Variants in DDB1 observed in about 807,000 individuals in gnomAD.
The protein encoded by DDB1 is damage specific DNA binding protein 1, also known as DNA damage-binding protein 1.
A neutral mutation model predicts 133.1 loss-of-function variants in DDB1; 18 were observed. That is an observed-to-expected ratio of 0.14 (90% CI 0.09 to 0.20). The LOEUF (loss-of-function observed/expected upper bound fraction) is 0.20, where lower values mean the gene tolerates loss of function less well. Among genes scored for constraint, DDB1 ranks in the 10% least tolerant of loss-of-function variants. The pLI, the probability that DDB1 is intolerant of heterozygous loss-of-function variation, is 1.00. For missense variants in DDB1, 828 were observed against 1,459.2 expected (o/e 0.57, Z 7.05); for synonymous variants, 580 against 550.5 (o/e 1.05, Z -0.75).
chr11:61,311,941 G>A, intron 17 of DDB1, 46 bp from the exon 18 acceptor site: 5 of 1,613,730 alleles, frequency 3.1e-6, no homozygotes, highest in Non-Finnish European at 4.2e-6. Flanking sequence ...AAAGTCAGAA[G>A]CACCCTACAC....
chr11:61,328,163 G>C (rs1590700198), intron 4 of DDB1, among the ~76,000 whole-genome samples: 2 of 152,246 alleles, frequency 1.3e-5, no homozygotes, highest in East Asian at 3.9e-4. Flanking sequence ...AAAGAACATA[G>C]AGAAATTCTA....
chr11:61,322,824 T>C lies in DDB1; in HGVS notation c.1005+187A>G. 8.4e-6 allele frequency: 5 copies of C among 597,636 alleles called. No homozygotes were observed. In the South Asian group the frequency reaches 1.1e-4, roughly 13 times the overall value. The allele number at this position is 597,636 out of a possible 1,614,324, so 37.0% of individuals were successfully genotyped here. A position where few individuals can be genotyped will look rare whatever the true frequency, so the allele number is the denominator to read the frequency against. ...AGCACCTAGCACCTTGCCTGGCAAATTTGCTGAATGAACCACAAAGGCAAA... is the reference window on the plus strand; with the variant it reads ...AGCACCTAGCACCTTGCCTGGCAAACTTGCTGAATGAACCACAAAGGCAAA... On this transcript the variant is annotated intron_variant, in intron 8 of 26. Coordinates refer to ENST00000301764, the MANE Select transcript of DDB1 (RefSeq NM_001923.5).
chr11:61,321,671 C>T lies in DDB1; in HGVS notation c.1149G>A (p.Lys383=), dbSNP rs759556670. Residue 383 remains lysine (K), a synonymous_variant, in exon 10 of 27, where the codon AAG becomes AAA. Transcript: ENST00000301764. ...GQLVTCSGAF[K]EGSLRIIRNG... is the part of the protein sequence containing the mutation. ...TCCGGATGATCCGCAAAGAACCTTC[C>T]TTGAAAGCCCCAGAGCAAGTGACCA... is the stretch of plus-strand genomic sequence containing the variant. 6.2e-7 allele frequency: 1 copy of T among 1,614,172 alleles called. No individual in the cohort carries two copies. Among genetic ancestry groups the T allele is most frequent in the South Asian group, 1.1e-5 (1 of 91,088 alleles).
chr11:61,301,570 C>G (rs1363547132), intron 25 of DDB1: 1 of 152,054 alleles, frequency 6.6e-6, no homozygotes, highest in Non-Finnish European at 1.5e-5. Context: ...GAACCCACCT[C>G]CAATTAAAAC....
At chr11:61,313,317 G>A (rs1457051807) in intron 16 of DDB1, among the ~76,000 whole-genome samples, 182 bp downstream of exon 16, 11 of 152,134 alleles carry the variant, frequency 7.2e-5, no homozygotes, top group Admixed American at 6.5e-4. Context: ...CAAAAATCCT[G>A]TAGTTTTAAA....
intron 21 of DDB1, among the ~76,000 whole-genome samples, chr11:61,307,226 C>CATCACTCTG (rs1241988886): frequency 1.3e-5 from 2 of 152,258 alleles, no homozygotes; most frequent in Non-Finnish European, 2.9e-5. Flanking sequence ...TCACTGTCCA[C>CATCACTCTG]ATCACTCTGT....
At chr11:61,325,021 G>A (rs1303709059) in intron 6 of DDB1, among the ~76,000 whole-genome samples, 1 of 152,162 alleles carries the variant, frequency 6.6e-6, no homozygotes, top group Non-Finnish European at 1.5e-5. Flanking sequence ...GATGGCACAT[G>A]CCTGTAATCC....
intron 3 of DDB1, 41 bp downstream of exon 3, chr11:61,329,917 C>G (rs572730910): frequency 6.6e-7 from 1 of 1,526,232 alleles, no homozygotes; most frequent in South Asian, 1.1e-5. Flanking sequence ...CATGACAGCC[C>G]TACTTAGAAA....
intron 12 of DDB1, 178 bp from the exon 13 acceptor site, chr11:61,314,664 C>G (rs1856036109): frequency 3.2e-6 from 2 of 620,024 alleles, no homozygotes; most frequent in African/African-American, 1.9e-5. Flanking sequence ...GCATGAATGC[C>G]TGAAGGAGGC....
intron 21 of DDB1, among the ~76,000 whole-genome samples, chr11:61,306,833 G>A (rs1054487721): frequency 1.3e-5 from 2 of 152,116 alleles, no homozygotes; most frequent in Non-Finnish European, 2.9e-5. Flanking sequence ...CAACCAACAG[G>A]ATGACTGTTC....
intron 20 of DDB1, 32 bp from the exon 21 acceptor site, chr11:61,309,109 A>G (rs1247698107): frequency 1.3e-6 from 2 of 1,598,536 alleles, no homozygotes; most frequent in Non-Finnish European, 1.7e-6. Context: ...TTGAGTCTCT[A>G]TGAGCCCACA....
chr11:61,303,236 T>G, intron 22 of DDB1, 81 bp from the exon 23 acceptor site: 1 of 1,326,820 alleles, frequency 7.5e-7, no homozygotes, highest in Non-Finnish European at 1.1e-6. Flanking sequence ...GTTTCCTTTA[T>G]TCAGGAGCAA....
intron 9 of DDB1, 65 bp downstream of exon 9, chr11:61,322,231 C>A: frequency 7.8e-7 from 1 of 1,276,914 alleles, no homozygotes; most frequent in South Asian, 1.2e-5. Context: ...TCTAGATAAG[C>A]ATAGCTAGGA....
Position 61,316,341 on chromosome 11 carries a change from C to A in DDB1, c.1354G>T (p.Val452Leu). ...EVEETELMGF[V>L]DDQQTFFCGN... ...CAGAAGAAAGTCTGCTGATCATCCACGAAACCCATCAGTTCGGTTTCTTCT... is the reference window on the plus strand; with the variant it reads ...CAGAAGAAAGTCTGCTGATCATCCAAGAAACCCATCAGTTCGGTTTCTTCT... Residue 452 changes from valine (V) to leucine (L), a missense_variant, in exon 12 of 27, where the codon GTG (valine) becomes TTG (leucine). Coordinates refer to ENST00000301764, the MANE Select transcript of DDB1 (RefSeq NM_001923.5). 6.2e-7 allele frequency: 1 copy of A among 1,614,152 alleles called. No homozygotes were observed. Among genetic ancestry groups the A allele is most frequent in the Middle Eastern group, 1.6e-4 (1 of 6,062 alleles).
chr11:61,331,868 T>A, intron 1 of DDB1, 177 bp from the exon 2 acceptor site: 1 of 754,184 alleles, frequency 1.3e-6, no homozygotes, highest in Non-Finnish European at 2.1e-6. Context: ...GAGTCTCAGT[T>A]CATGCATTCA....
At position 61,333,091 on chromosome 11, in the gene DDB1, G is replaced by A. The variant is rs1360104601; in HGVS notation, c.-123C>T. On this transcript the variant is annotated 5_prime_UTR_variant, in exon 1 of 27. Coordinates refer to ENST00000301764, the MANE Select transcript of DDB1 (RefSeq NM_001923.5). Reference sequence around the variant, plus strand: ...CCACTGCCGCTGCCTCCGCCCCAGAGACACGTTGCAGGCCAGAGCGGCCGG... The same window carrying A: ...CCACTGCCGCTGCCTCCGCCCCAGAAACACGTTGCAGGCCAGAGCGGCCGG... 1.1e-6 allele frequency: 1 copy of A among 950,358 alleles called. No homozygotes were observed. Among genetic ancestry groups the A allele is most frequent in the Non-Finnish European group, 1.5e-6 (1 of 679,518 alleles). The allele number at this position is 950,358 out of a possible 1,614,324, so 58.9% of individuals were successfully genotyped here.
intron 20 of DDB1, among the ~76,000 whole-genome samples, chr11:61,309,419 T>C (rs1252049075): frequency 1.3e-5 from 2 of 152,146 alleles, no homozygotes; most frequent in Admixed American, 6.6e-5. Flanking sequence ...CGAGAAAAGA[T>C]ATTAAAATAT....
rs1855760718 is a variant in DDB1, at chr11:61,299,748, A to G, written c.*388T>C. 1 of 247,240 alleles carries G rather than the reference A, an allele frequency of 4.0e-6. No homozygotes were observed. Among genetic ancestry groups the G allele is most frequent in the Non-Finnish European group, 8.0e-6 (1 of 124,604 alleles). The allele number at this position is 247,240 out of a possible 1,614,324, so 15.3% of individuals were successfully genotyped here. A position where few individuals can be genotyped will look rare whatever the true frequency, so the allele number is the denominator to read the frequency against. ...AACTCCCTACACTGCCAATCTAAATAAAAAGAGGACAATGCATGAGTGTGA... is the reference window on the plus strand; with the variant it reads ...AACTCCCTACACTGCCAATCTAAATGAAAAGAGGACAATGCATGAGTGTGA... On this transcript the variant is annotated 3_prime_UTR_variant, in exon 27 of 27. Coordinates refer to ENST00000301764, the MANE Select transcript of DDB1 (RefSeq NM_001923.5).
At position 61,333,016 on chromosome 11, in the gene DDB1, G is replaced by A; in HGVS notation, c.-48C>T. On this transcript the variant is annotated 5_prime_UTR_variant, in exon 1 of 27. Coordinates refer to ENST00000301764, the MANE Select transcript of DDB1 (RefSeq NM_001923.5). ...CGGGACTCGAGCGCGACACTAGAAA[G>A]AGGGACACAAGCGAAAAGACAGGTG... 1 of 1,450,842 alleles carries A rather than the reference G, an allele frequency of 6.9e-7. No individual in the cohort carries two copies. The highest frequency in any genetic ancestry group is 2.8e-5 in the East Asian group (1 of 35,924). The allele number at this position is 1,450,842 out of a possible 1,614,324, so 89.9% of individuals were successfully genotyped here.
Sources: allele counts gnomAD v4.1 joint callset (sites outside exome capture counted in the v4.1 genomes callset), GRCh38; gene constraint gnomAD v4.1.1; transcripts MANE v1.5; gene names NCBI Gene and HGNC (gene_info 2026-07-23, HGNC 2026-07-21).